TDRD1: variants seen among roughly 807,000 people sequenced by gnomAD.
TDRD1 encodes tudor domain-containing protein 1.
A neutral mutation model predicts 140.6 loss-of-function variants in TDRD1; 37 were observed. The ratio of observed to expected loss-of-function variants is 0.26; its 90% CI spans 0.20 to 0.35. The LOEUF (loss-of-function observed/expected upper bound fraction) is 0.35. TDRD1 is among the 10% of genes least tolerant of loss of function. The pLI is 1.00. For synonymous variants in TDRD1, 506 were observed against 475.7 expected, an observed-to-expected ratio of 1.06 and a Z score of -0.83; for missense variants, 1,243 against 1,393.0, an observed-to-expected ratio of 0.89 and a Z score of 1.71.
chr10:114,208,672 CT>C (rs2035284331), intron 11 of TDRD1, among the ~76,000 whole-genome samples: 1 of 151,980 alleles, frequency 6.6e-6, no homozygotes, highest in South Asian at 2.1e-4. Context: ...AAGATTTAGA[CT>C]ATCTAGAGGC....
chr10:114,206,530 A>G (rs1442139184), intron 11 of TDRD1, among the ~76,000 whole-genome samples, 200 bp downstream of exon 11: 2 of 151,012 alleles, frequency 1.3e-5, no homozygotes, highest in Non-Finnish European at 2.9e-5. Context: ...TCCTCTGTCC[A>G]TTTTCCACAT....
chr10:114,188,049 C>G, exon 2 of TDRD1: 1 of 1,614,098 alleles, frequency 6.2e-7, no homozygotes, highest in South Asian at 1.1e-5. Flanking sequence ...TGTGAGCAAA[C>G]CAAACAATAT....
At chr10:114,225,883 A>G (rs1170844835) in intron 21 of TDRD1, among the ~76,000 whole-genome samples, 166 bp from the exon 22 acceptor site, 1 of 151,992 alleles carries the variant, frequency 6.6e-6, no homozygotes, top group East Asian at 1.9e-4. Flanking sequence ...ATTCTATTAC[A>G]TTTTTCATAG....
intron 3 of TDRD1, among the ~76,000 whole-genome samples, chr10:114,194,267 G>T (rs1007492082): frequency 6.6e-6 from 1 of 152,066 alleles, no homozygotes; most frequent in Non-Finnish European, 1.5e-5. Flanking sequence ...GTATAGAATT[G>T]GTGTTAATTC....
chr10:114,209,663 C>T (rs897288503), intron 11 of TDRD1, among the ~76,000 whole-genome samples: 7 of 152,158 alleles, frequency 4.6e-5, no homozygotes, highest in African/African-American at 1.7e-4. Context: ...GTAACACATT[C>T]TGAGAGGTCA....
intron 3 of TDRD1, among the ~76,000 whole-genome samples, chr10:114,192,549 G>A (rs1368088026): frequency 1.3e-5 from 2 of 151,760 alleles, no homozygotes; most frequent in Non-Finnish European, 2.9e-5. Context: ...CTCATGATCC[G>A]CCTGCCTCGG....
chr10:114,226,715 C>T (rs893955949), intron 22 of TDRD1, among the ~76,000 whole-genome samples: 15 of 152,298 alleles, frequency 9.8e-5, no homozygotes, highest in African/African-American at 3.4e-4. Context: ...TACTGTCGCT[C>T]CTGATGTCCT....
chr10:114,230,637 G>A (rs1280818033), intron 25 of TDRD1, among the ~76,000 whole-genome samples: 1 of 152,152 alleles, frequency 6.6e-6, no homozygotes, highest in Non-Finnish European at 1.5e-5. Context: ...CAGTTACATA[G>A]GGCATGAAAC....
At chr10:114,189,747 G>A (rs187379928) in intron 2 of TDRD1, among the ~76,000 whole-genome samples, 12 of 152,084 alleles carry the variant, frequency 7.9e-5, no homozygotes, top group African/African-American at 2.4e-4. Context: ...ATGAACCACC[G>A]CACCAGGCCC....
At chr10:114,185,275 T>TG (rs1358825596) in intron 1 of TDRD1, among the ~76,000 whole-genome samples, 1 of 152,238 alleles carries the variant, frequency 6.6e-6, no homozygotes, top group Admixed American at 6.5e-5. Context: ...CTGCGACCTC[T>TG]GACTCCTGGG....
chr10:114,196,611 A>C (rs2034368743), intron 3 of TDRD1, among the ~76,000 whole-genome samples: 1 of 151,830 alleles, frequency 6.6e-6, no homozygotes, highest in South Asian at 2.1e-4. Flanking sequence ...TGTTTGTTTT[A>C]TATATAAGTT....
intron 6 of TDRD1, among the ~76,000 whole-genome samples, 187 bp from the exon 7 acceptor site, chr10:114,202,885 A>G (rs2034854352): frequency 6.6e-6 from 1 of 152,190 alleles, no homozygotes; most frequent in South Asian, 2.1e-4. Context: ...GGTTATTCCC[A>G]GTGCTGTGCC....
At chr10:114,176,854 A>G (rs2032705323), upstream of TDRD1, among the ~76,000 whole-genome samples, 1 of 152,226 alleles carries the variant, frequency 6.6e-6, no homozygotes, top group South Asian at 2.1e-4. This position sits in a 1 kb window ranked among gnomAD's most constrained non-coding sequence, Gnocchi z 4.2. Flanking sequence ...AAGTTGGGAT[A>G]TGTTTTGGTG....
intron 20 of TDRD1, 29 bp downstream of exon 20, chr10:114,221,505 A>G (rs2036143663): frequency 6.2e-7 from 1 of 1,603,748 alleles, no homozygotes; most frequent in Non-Finnish European, 8.5e-7. Context: ...AGACATATTT[A>G]TGCTCATCTT....
exon 12 of TDRD1, chr10:114,210,663 T>G (rs1335532433): frequency 6.2e-7 from 1 of 1,612,918 alleles, no homozygotes; most frequent in Non-Finnish European, 8.5e-7. Flanking sequence ...AAGTGTTAAC[T>G]TTGAATGTAG....
intron 1 of TDRD1, among the ~76,000 whole-genome samples, 167 bp from the exon 2 acceptor site, chr10:114,187,657 TTC>T (rs2033641586): frequency 6.6e-6 from 1 of 152,256 alleles, no homozygotes; most frequent in Non-Finnish European, 1.5e-5. Flanking sequence ...ACTGGTGTTT[TTC>T]TTGTGCCTTG....
At chr10:114,229,701 G>A (rs1464272090) in intron 25 of TDRD1, among the ~76,000 whole-genome samples, 1 of 150,084 alleles carries the variant, frequency 6.7e-6, no homozygotes, top group Non-Finnish European at 1.5e-5. Context: ...GGCGCACACT[G>A]CCACACCCGG....
exon 26 of TDRD1, chr10:114,231,566 G>T: frequency 1.4e-6 from 2 of 1,460,742 alleles, no homozygotes; most frequent in Non-Finnish European, 1.9e-6. Flanking sequence ...ACAGCACCTG[G>T]TGTTTTTATT....
chr10:114,185,521 A>T (rs181632657), intron 1 of TDRD1, among the ~76,000 whole-genome samples: 1 of 151,780 alleles, frequency 6.6e-6, no homozygotes, highest in Admixed American at 6.6e-5. Flanking sequence ...AAATATCTTC[A>T]CGTGTCTCAA....
Sources: gnomAD v4.1 joint callset for allele counts (sites outside exome capture counted in the v4.1 genomes callset) on GRCh38, gnomAD v4.1.1 for gene constraint, Gnocchi (gnomAD v3.1) non-coding constraint, MANE v1.5 for transcripts, NCBI Gene and HGNC (gene_info 2026-07-23, HGNC 2026-07-21) for gene names.